The following TENM2 variants were observed in gnomAD, a reference collection of about 807,000 sequenced individuals.
TENM2 encodes teneurin-2.
TENM2 carries 52 observed loss-of-function variants against 245.2 expected under a neutral mutation model. The ratio of observed to expected loss-of-function variants is 0.21; its 90% CI spans 0.17 to 0.27. TENM2 has a LOEUF of 0.27. Among genes scored for constraint, TENM2 ranks in the 10% least tolerant of loss-of-function variants. TENM2 has a pLI of 1.00. For synonymous variants in TENM2, 1,363 were observed against 1,438.9 expected (o/e 0.95, Z 1.19); for missense variants, 3,046 against 3,666.8 (o/e 0.83, Z 4.37).
At chr5:168,062,218 C>T (rs201214069) in exon 7 of TENM2, 38 of 1,613,686 alleles carry the variant, frequency 2.4e-5, no homozygotes, top group Non-Finnish European at 3.1e-5. Context: ...GAAGGACGCT[C>T]TCTTTGGTGT....
intron 2 of TENM2, among the ~76,000 whole-genome samples, chr5:167,427,871 GAAGGAAGGGAAGGAAGGAAGGACGGA>G (rs1363938081): frequency 5.6e-5 from 7 of 124,626 alleles, no homozygotes; most frequent in East Asian, 2.3e-4. Flanking sequence ...GAAAGGAAGG[GAAGGAAGGGAAGGAAGGAAGGACGGA>G]AAGGAAGGGA....
chr5:167,740,075 C>A (rs906158599), intron 2 of TENM2, among the ~76,000 whole-genome samples: 1 of 152,194 alleles, frequency 6.6e-6, no homozygotes, highest in Non-Finnish European at 1.5e-5. Flanking sequence ...AGACTGCCAG[C>A]TTGCTTACTG....
chr5:167,758,662 T>C (rs1307943609), intron 2 of TENM2, among the ~76,000 whole-genome samples: 2 of 152,184 alleles, frequency 1.3e-5, no homozygotes, highest in African/African-American at 2.4e-5. Context: ...CACTTGCTGG[T>C]TGTTAGGACT....
chr5:167,890,725 T>C (rs543034685), intron 3 of TENM2, among the ~76,000 whole-genome samples: 2 of 152,314 alleles, frequency 1.3e-5, no homozygotes, highest in East Asian at 3.9e-4. Flanking sequence ...GAGATTTGCA[T>C]GGCCTTTGTA....
intron 1 of TENM2, among the ~76,000 whole-genome samples, chr5:167,341,869 T>C (rs181105536): frequency 2.0e-5 from 3 of 152,286 alleles, no homozygotes; most frequent in African/African-American, 7.2e-5. Context: ...AAAATTTACA[T>C]TTCACCAAAC....
chr5:167,518,300 T>G (rs893995763), intron 2 of TENM2, among the ~76,000 whole-genome samples: 2 of 152,176 alleles, frequency 1.3e-5, no homozygotes, highest in African/African-American at 4.8e-5. Flanking sequence ...TTCCCAAACC[T>G]GGATTTCCCT....
the TENM2 span, among the ~76,000 whole-genome samples, chr5:167,183,230 T>C: frequency 6.6e-6 from 1 of 152,132 alleles, no homozygotes; most frequent in East Asian, 1.9e-4. Context: ...GGTTTGATGA[T>C]GTATTCCGCT....
chr5:167,354,050 C>T (rs960763120), intron 1 of TENM2, among the ~76,000 whole-genome samples: 4 of 152,214 alleles, frequency 2.6e-5, no homozygotes, highest in Non-Finnish European at 4.4e-5. Flanking sequence ...GACCTTTTCT[C>T]TGCTTTCAGT....
intron 1 of TENM2, among the ~76,000 whole-genome samples, chr5:167,304,087 C>T (rs994299182): frequency 1.3e-5 from 2 of 152,158 alleles, no homozygotes; most frequent in Non-Finnish European, 2.9e-5. Context: ...CCCTTAAGGA[C>T]CAGGACAATT....
At chr5:167,638,845 TGAG>T (rs1300108109) in intron 2 of TENM2, among the ~76,000 whole-genome samples, 2 of 152,202 alleles carry the variant, frequency 1.3e-5, no homozygotes, top group East Asian at 1.9e-4. Context: ...TTATGTATAA[TGAG>T]GAGATCTGTA....
intron 2 of TENM2, among the ~76,000 whole-genome samples, chr5:167,578,013 C>T (rs546879802): frequency 1.1e-4 from 16 of 152,288 alleles, no homozygotes; most frequent in Admixed American, 3.3e-4. Context: ...TCAGCGTGGG[C>T]ACAGGGGGCA....
intron 2 of TENM2, among the ~76,000 whole-genome samples, chr5:167,839,127 C>T (rs1156811068): frequency 6.6e-6 from 1 of 152,208 alleles, no homozygotes; most frequent in Non-Finnish European, 1.5e-5. Flanking sequence ...TTTCGTTTAA[C>T]ACTCAGGACA....
At chr5:167,373,883 C>A (rs1760586895) in intron 1 of TENM2, among the ~76,000 whole-genome samples, 1 of 152,140 alleles carries the variant, frequency 6.6e-6, no homozygotes, top group Non-Finnish European at 1.5e-5. Context: ...TTTTCTGACA[C>A]CTAATAACAC....
chr5:167,358,832 CACACACACACACACACACA>C (rs1420616367), intron 1 of TENM2, among the ~76,000 whole-genome samples: 10 of 148,792 alleles, frequency 6.7e-5, no homozygotes, highest in Non-Finnish European at 1.1e-4. Context: ...CACACACACA[CACACACACACACACACACA>C]CCCTGCTGTT....
chr5:167,410,923 C>A (rs193055095), intron 2 of TENM2, among the ~76,000 whole-genome samples: 52 of 152,184 alleles, frequency 3.4e-4, no homozygotes, highest in African/African-American at 1.1e-3. Context: ...GGCAAACCCA[C>A]CTATTAACCT....
chr5:167,974,028 GAAGGAAGGA>G (rs1437667328), intron 4 of TENM2, among the ~76,000 whole-genome samples: 50 of 69,614 alleles, frequency 7.2e-4, no homozygotes, highest in East Asian at 4.2e-3. Context: ...AGGGAGGAAG[GAAGGAAGGA>G]GAAGGAAGGA....
At chr5:167,179,278 A>G in the TENM2 span, among the ~76,000 whole-genome samples, 2 of 152,236 alleles carry the variant, frequency 1.3e-5, no homozygotes, top group Non-Finnish European at 2.9e-5. Flanking sequence ...ATTAAGGGGG[A>G]AAAAATTGGC....
chr5:167,929,059 G>GAGAAAAAGAAAGAAAGAAAGAA (rs1252622171), intron 3 of TENM2, among the ~76,000 whole-genome samples: 3 of 77,510 alleles, frequency 3.9e-5, no homozygotes, highest in East Asian at 4.1e-4. Flanking sequence ...GAAAGAAAGA[G>GAGAAAAAGAAAGAAAGAAAGAA]AGAAAGAAAG....
At chr5:167,747,474 AAT>A (rs1210756756) in intron 2 of TENM2, among the ~76,000 whole-genome samples, 1 of 152,134 alleles carries the variant, frequency 6.6e-6, no homozygotes, top group Non-Finnish European at 1.5e-5. Context: ...CTATTCTAAG[AAT>A]CTATTTATGT....
Sources: allele counts gnomAD v4.1 joint callset (sites outside exome capture counted in the v4.1 genomes callset), GRCh38; gene constraint gnomAD v4.1.1; transcripts MANE v1.5; gene names NCBI Gene and HGNC (gene_info 2026-07-23, HGNC 2026-07-21).